Variants in CREBBP observed in about 807,000 individuals in gnomAD.
CREBBP encodes CREB-binding protein.
In CREBBP, 19 loss-of-function variants were observed where a neutral mutation model predicts 265.0. The observed-to-expected ratio is 0.07, with a 90% CI of 0.05 to 0.11. The LOEUF (loss-of-function observed/expected upper bound fraction) is 0.11. Ranked by LOEUF, CREBBP falls within the 10% of genes least tolerant of loss-of-function variation. CREBBP has a pLI of 1.00. For synonymous variants in CREBBP, 1,457 were observed against 1,223.7 expected, an observed-to-expected ratio of 1.19 and a Z score of -3.98; for missense variants, 2,525 against 3,219.0, an observed-to-expected ratio of 0.78 and a Z score of 5.22.
chr16:3,772,045 C>T (rs890100940), intron 13 of CREBBP, among the ~76,000 whole-genome samples: 1 of 151,872 alleles, frequency 6.6e-6, no homozygotes, highest in Non-Finnish European at 1.5e-5. Flanking sequence ...CCACAGTTGA[C>T]CCCAGGTAAC....
intron 2 of CREBBP, among the ~76,000 whole-genome samples, chr16:3,818,344 G>A (rs1259042714): frequency 9.2e-6 from 1 of 108,396 alleles, no homozygotes; most frequent in South Asian, 2.9e-4. Flanking sequence ...TCTCACTCTT[G>A]TTGCCCAGGC....
At chr16:3,750,140 A>G (rs2052440257) in intron 20 of CREBBP, among the ~76,000 whole-genome samples, 1 of 152,178 alleles carries the variant, frequency 6.6e-6, no homozygotes, top group Non-Finnish European at 1.5e-5. Flanking sequence ...AGCTGGGACT[A>G]CAGGTACAAA....
intron 1 of CREBBP, among the ~76,000 whole-genome samples, chr16:3,855,372 A>G (rs2054938139): frequency 1.3e-5 from 2 of 152,142 alleles, no homozygotes; most frequent in South Asian, 2.1e-4. Flanking sequence ...GGTTCAAGCA[A>G]TTCTCCAACC....
At position 3,758,757 on chromosome 16, in the gene CREBBP, G is replaced by C. The variant is rs2052643039; in HGVS notation, c.3369+97C>G. The C allele has an allele frequency of 9.5e-6, 9 of 944,244 alleles. No homozygotes were observed. The South Asian group carries it at 1.1e-4, about 11-fold the overall frequency. 58.5% of individuals were successfully genotyped at this position (944,244 alleles called of 1,614,324 possible). A position where few individuals can be genotyped will look rare whatever the true frequency, so the allele number is the denominator to read the frequency against. On this transcript the variant is annotated intron_variant, in intron 17 of 30. Transcript: ENST00000262367. ...TTATATTAGGAGAACAATCTTCAAG[G>C]CAGGGGGATTATTTTATCTAATTTC... is the stretch of plus-strand genomic sequence containing the variant.
intron 3 of CREBBP, among the ~76,000 whole-genome samples, chr16:3,801,309 A>T (rs970681241): frequency 2.6e-5 from 4 of 152,232 alleles, no homozygotes; most frequent in Non-Finnish European, 2.9e-5. Context: ...TCTAAACATA[A>T]GCACTTTAAA....
At chr16:3,786,219 A>T (rs1394690659) in intron 5 of CREBBP, among the ~76,000 whole-genome samples, 9 of 152,172 alleles carry the variant, frequency 5.9e-5, no homozygotes, top group Non-Finnish European at 1.2e-4. Context: ...TACAAAAATT[A>T]GCTGAGTGTG....
At chr16:3,767,975 G>A (rs2141184617) in intron 15 of CREBBP, 66 bp from the exon 16 acceptor site, 1 of 1,490,882 alleles carries the variant, frequency 6.7e-7, no homozygotes. Context: ...AACCTCACGG[G>A]AAGACTCTTA....
intron 16 of CREBBP, among the ~76,000 whole-genome samples, chr16:3,761,998 T>A (rs1285395906): frequency 6.6e-6 from 1 of 152,216 alleles, no homozygotes; most frequent in Non-Finnish European, 1.5e-5. Context: ...TTGTTTAATG[T>A]TTGGCAGAAG....
intron 1 of CREBBP, among the ~76,000 whole-genome samples, chr16:3,877,911 T>C (rs2055437313): frequency 6.6e-6 from 1 of 152,174 alleles, no homozygotes; most frequent in Non-Finnish European, 1.5e-5. Context: ...AGGATCAAAA[T>C]TGTAAAGGAA....
intron 2 of CREBBP, among the ~76,000 whole-genome samples, chr16:3,827,323 T>G (rs187762842): frequency 2.0e-4 from 30 of 152,274 alleles, no homozygotes; most frequent in Middle Eastern, 3.4e-3. Flanking sequence ...AACATAAAAA[T>G]CAAACCTTTC....
Position 3,879,979 on chromosome 16 carries a change from G to A in CREBBP, c.-63C>T, listed in dbSNP as rs780204192. 18 of 1,512,038 alleles carry A rather than the reference G, an allele frequency of 1.2e-5. No homozygotes were observed. Among genetic ancestry groups the A allele is most frequent in the Non-Finnish European group, 1.6e-5 (18 of 1,111,018 alleles). The allele number at this position is 1,512,038 out of a possible 1,614,324, so 93.7% of individuals were successfully genotyped here. On this transcript the variant is annotated 5_prime_UTR_variant, in exon 1 of 31. Transcript: ENST00000262367. Reference sequence around the variant, plus strand: ...GCCGGGCCGGCGAGGGCCCGGACGGGGGTCGGGGGCCCTGCCGGCTGCGAG... The same window carrying A: ...GCCGGGCCGGCGAGGGCCCGGACGGAGGTCGGGGGCCCTGCCGGCTGCGAG...
At chr16:3,777,761 G>A in intron 10 of CREBBP, 104 bp from the exon 11 acceptor site, 1 of 1,387,154 alleles carries the variant, frequency 7.2e-7, no homozygotes, top group Non-Finnish European at 1.0e-6. Flanking sequence ...AACTTAAAAG[G>A]GAAAACAGCC....
chr16:3,765,893 T>C (rs973855105), intron 16 of CREBBP, among the ~76,000 whole-genome samples: 1 of 152,092 alleles, frequency 6.6e-6, no homozygotes, highest in African/African-American at 2.4e-5. Context: ...TAGAGTGCAG[T>C]GGTGCAATCA....
At chr16:3,843,524 A>C (rs1021815287) in intron 2 of CREBBP, among the ~76,000 whole-genome samples, 1 of 151,252 alleles carries the variant, frequency 6.6e-6, no homozygotes, top group African/African-American at 2.4e-5. Context: ...GGGCTCAAGC[A>C]ATCCACCTGC....
At chr16:3,814,646 C>T (rs952647305) in intron 2 of CREBBP, among the ~76,000 whole-genome samples, 1 of 152,030 alleles carries the variant, frequency 6.6e-6, no homozygotes, top group African/African-American at 2.4e-5. Context: ...TCTTCTTGGC[C>T]ATCAGATAAG....
At chr16:3,774,433 T>C (rs778829089) in intron 12 of CREBBP, 136 bp downstream of exon 12, 2 of 1,152,932 alleles carry the variant, frequency 1.7e-6, no homozygotes, top group Non-Finnish European at 2.6e-6. Flanking sequence ...AAATGAGAGA[T>C]GAAAGAAATA....
In CREBBP at chr16:3,780,800, G is replaced by A. The variant is rs757630106; in HGVS notation, c.1755C>T (p.Ser585=). 8.1e-6 allele frequency: 13 copies of A among 1,613,934 alleles called. No individual in the cohort carries two copies. In the African/African-American group the frequency reaches 1.6e-4, roughly 20 times the overall value. The part of the protein sequence containing the change: ...STIPTAAPPS[S]TGVRKGWHEH... ...CGTGCCAGCCTTTCCTTACACCGGT[G>A]CTAGAAGGAGGAGCTGCTGTTGGTA... Residue 585 remains serine, a synonymous_variant, in exon 8 of 31, where the codon AGC becomes AGT. Coordinates refer to ENST00000262367, the MANE Select transcript of CREBBP (RefSeq NM_004380.3).
At position 3,814,484 on chromosome 16, in the gene CREBBP, GGCCTCAAGTGATCCATA is replaced by G. The variant is rs900670091; in HGVS notation, c.799-3722_799-3706del. On this transcript the variant is annotated intron_variant, in intron 2 of 30. Coordinates refer to ENST00000262367, the MANE Select transcript of CREBBP (RefSeq NM_004380.3). The stretch of plus-strand genomic sequence containing the variant: ...TTGGCCACGCTGGCCTCAAACTCCT[GGCCTCAAGTGATCCATA>G]CACCTCAAGCCTCCCCAGGTGTTGG... 5.9e-5 allele frequency among the ~76,000 whole-genome samples: 9 copies of G among 152,152 alleles called. No individual in the cohort carries two copies. In the South Asian group the frequency reaches 1.2e-3, roughly 21 times the overall value.
At position 3,729,513 on chromosome 16, in the gene CREBBP, T is replaced by C. The variant is rs2151310099; in HGVS notation, c.5534A>G (p.Asn1845Ser). ...CTGCTGGCGGAGCTTGTGTTTGATG[T>C]TGAGGCAGAAGGGCACGGGGCATTT... The part of the protein sequence containing the change: ...ENKCPVPFCL[N>S]IKHKLRQQQI... The change falls in exon 31 of 31, where the codon AAC (asparagine) becomes AGC (serine). Residue 1845 changes from asparagine to serine, a missense_variant. This residue lies in a region of CREBBP where 53 missense variants were observed against 146.3 expected (regional missense o/e 0.36). Transcript: ENST00000262367. 6.2e-7 allele frequency: 1 copy of C among 1,614,152 alleles called. No homozygotes were observed. Among genetic ancestry groups the C allele is most frequent in the Non-Finnish European group, 8.5e-7 (1 of 1,180,002 alleles).
Sources: allele counts gnomAD v4.1 joint callset (sites outside exome capture counted in the v4.1 genomes callset), GRCh38; gene constraint gnomAD v4.1.1; regional missense constraint gnomAD v4.1.1; transcripts MANE v1.5; gene names NCBI Gene and HGNC (gene_info 2026-07-23, HGNC 2026-07-21).